The following TMEM132B variants were observed in gnomAD, a reference collection of about 807,000 sequenced individuals.
TMEM132B encodes transmembrane protein 132B.
TMEM132B carries 18 observed loss-of-function variants against 90.8 expected under a neutral mutation model. That is an observed-to-expected ratio of 0.20 (90% CI 0.14 to 0.29). The LOEUF (loss-of-function observed/expected upper bound fraction) is 0.29. Among genes scored for constraint, TMEM132B ranks in the 10% least tolerant of loss-of-function variants. TMEM132B has a pLI of 1.00. For missense variants in TMEM132B, 1,096 were observed against 1,326.8 expected (o/e 0.83, Z 2.70); for synonymous variants, 504 against 523.3 (o/e 0.96, Z 0.50).
At position 125,294,711 on chromosome 12, in the gene TMEM132B, C is replaced by T. The variant is rs559001093; in HGVS notation, c.68-54741C>T. On this transcript the variant is annotated intron_variant, in intron 1 of 8. Coordinates refer to ENST00000682704, the MANE Select transcript of TMEM132B (RefSeq NM_001366854.1). Reference sequence around the variant, plus strand: ...CTTGTCACTTGCCCAAGGTGGTAAGCAGCCAGTCTGCTGACTCCGAAGTCC... The same window carrying T: ...CTTGTCACTTGCCCAAGGTGGTAAGTAGCCAGTCTGCTGACTCCGAAGTCC... Among the ~76,000 whole-genome samples the T allele has an allele frequency of 1.4e-4, 21 of 152,346 alleles. No homozygotes were observed. In the East Asian group the frequency reaches 3.9e-3, roughly 28 times the overall value.
chr12:125,542,628 C>T (rs1412714699), intron 4 of TMEM132B, among the ~76,000 whole-genome samples: 1 of 152,186 alleles, frequency 6.6e-6, no homozygotes, highest in Non-Finnish European at 1.5e-5. Context: ...ATGTTGTCCT[C>T]AAGGCTCATC....
At chr12:125,623,735 TGG>T (rs1444677388) in intron 5 of TMEM132B, among the ~76,000 whole-genome samples, 1 of 152,238 alleles carries the variant, frequency 6.6e-6, no homozygotes, top group Non-Finnish European at 1.5e-5. Context: ...TTCACTTAGT[TGG>T]GCTTCCTGCA....
At chr12:125,515,479 TGTCACA>T (rs879370822) in intron 3 of TMEM132B, among the ~76,000 whole-genome samples, 41,423 of 114,728 alleles carry the variant, frequency 0.36, 10,039 homozygotes, top group East Asian at 0.71. Flanking sequence ...ATTCACACAT[TGTCACA>T]CTCACACACA....
chr12:125,313,879 C>T (rs904946433), intron 1 of TMEM132B, among the ~76,000 whole-genome samples: 4 of 151,052 alleles, frequency 2.6e-5, no homozygotes, highest in East Asian at 2.0e-4. Context: ...CATTTTGCAC[C>T]GGGCCCCGCA....
intron 2 of TMEM132B, among the ~76,000 whole-genome samples, chr12:125,409,575 TGGAGTGGAGTGGAGTGGAGTGGA>T (rs1566026047): frequency 5.4e-4 from 64 of 119,432 alleles, no homozygotes; most frequent in East Asian, 1.4e-3. Context: ...GTGGAGTGAG[TGGAGTGGAGTGGAGTGGAGTGGA>T]GGAGTGGAGT....
intron 4 of TMEM132B, among the ~76,000 whole-genome samples, chr12:125,560,658 TA>T (rs1274048546): frequency 1.3e-5 from 2 of 149,328 alleles, no homozygotes; most frequent in Non-Finnish European, 1.5e-5. Context: ...CCGTCTCTAC[TA>T]AAAAAAATAC....
At chr12:125,447,282 GT>G (rs139155739) in intron 3 of TMEM132B, among the ~76,000 whole-genome samples, 9,519 of 149,060 alleles carry the variant, frequency 0.064, 923 homozygotes, top group African/African-American at 0.21. Flanking sequence ...ATTTATTTCT[GT>G]TTTTTTTTGA....
intron 1 of TMEM132B, among the ~76,000 whole-genome samples, chr12:125,193,770 G>C (rs1398212265): frequency 6.6e-6 from 1 of 152,188 alleles, no homozygotes; most frequent in African/African-American, 2.4e-5. Context: ...AAGCACTTGG[G>C]ACACAGCAGG....
At chr12:125,368,239 G>T (rs1878189550) in intron 2 of TMEM132B, among the ~76,000 whole-genome samples, 1 of 152,124 alleles carries the variant, frequency 6.6e-6, no homozygotes, top group Admixed American at 6.5e-5. Context: ...TTTGTCTGCT[G>T]TCTCCTCATG....
intron 3 of TMEM132B, among the ~76,000 whole-genome samples, chr12:125,487,071 C>T (rs543269595): frequency 1.2e-4 from 19 of 152,326 alleles, no homozygotes; most frequent in Admixed American, 3.9e-4. Context: ...CAGAAGGTCT[C>T]AGTCTGTTCT....
At chr12:125,206,520 G>A (rs1387376214) in intron 1 of TMEM132B, among the ~76,000 whole-genome samples, 1 of 152,172 alleles carries the variant, frequency 6.6e-6, no homozygotes, top group African/African-American at 2.4e-5. Context: ...TTACAGGAGT[G>A]AACTACTGCC....
At chr12:125,567,477 G>A (rs12297979) in intron 4 of TMEM132B, among the ~76,000 whole-genome samples, 4,045 of 151,864 alleles carry the variant, frequency 0.027, 135 homozygotes, top group East Asian at 0.14. Flanking sequence ...TTCATCCATC[G>A]GTCCATGGGG....
intron 1 of TMEM132B, among the ~76,000 whole-genome samples, chr12:125,208,846 A>C (rs1234676440): frequency 6.6e-6 from 1 of 152,112 alleles, no homozygotes; most frequent in Non-Finnish European, 1.5e-5. Flanking sequence ...CCAGGGTCCA[A>C]AGGGACAGGG....
intron 1 of TMEM132B, among the ~76,000 whole-genome samples, chr12:125,315,840 G>C (rs1461447215): frequency 6.6e-6 from 1 of 152,194 alleles, no homozygotes; most frequent in Admixed American, 6.5e-5. Flanking sequence ...GCAGTTTGCA[G>C]CCCTTGACGT....
chr12:125,469,473 C>A (rs1327642871), intron 3 of TMEM132B, among the ~76,000 whole-genome samples: 1 of 152,164 alleles, frequency 6.6e-6, no homozygotes, highest in Non-Finnish European at 1.5e-5. Context: ...ACAAGTATCT[C>A]CATTTACAAA....
intron 4 of TMEM132B, among the ~76,000 whole-genome samples, chr12:125,522,264 G>A (rs1041041973): frequency 2.0e-5 from 3 of 152,202 alleles, no homozygotes; most frequent in Non-Finnish European, 4.4e-5. Flanking sequence ...TTATTTATGA[G>A]TGTTTGTGTC....
At chr12:125,401,125 T>G (rs1018916272) in intron 2 of TMEM132B, among the ~76,000 whole-genome samples, 2 of 152,182 alleles carry the variant, frequency 1.3e-5, no homozygotes, top group African/African-American at 4.8e-5. Flanking sequence ...TGGAATTTTT[T>G]GGTGATGTCT....
At chr12:125,261,454 T>A (rs1874565924) in intron 1 of TMEM132B, among the ~76,000 whole-genome samples, 1 of 152,204 alleles carries the variant, frequency 6.6e-6, no homozygotes, top group African/African-American at 2.4e-5. Flanking sequence ...GTGGAATTGA[T>A]TTTAATGCTT....
chr12:125,499,348 G>A (rs1006766288), intron 3 of TMEM132B, among the ~76,000 whole-genome samples: 1 of 152,192 alleles, frequency 6.6e-6, no homozygotes. Flanking sequence ...TGAGACTATT[G>A]CTATGGAATA....
Sources: gnomAD v4.1 joint callset for allele counts (sites outside exome capture counted in the v4.1 genomes callset) on GRCh38, gnomAD v4.1.1 for gene constraint, MANE v1.5 for transcripts, NCBI Gene and HGNC (gene_info 2026-07-23, HGNC 2026-07-21) for gene names.